CAMK1D: variants seen among roughly 807,000 people sequenced by gnomAD.
CAMK1D encodes the protein calcium/calmodulin dependent protein kinase ID, also known as calcium/calmodulin-dependent protein kinase type 1D.
Under a neutral mutation model 47.7 loss-of-function variants are expected in CAMK1D, and 9 were observed. That is an observed-to-expected ratio of 0.19 (90% CI 0.11 to 0.33). The LOEUF (loss-of-function observed/expected upper bound fraction) is 0.33, where lower values mean the gene tolerates loss of function less well. Ranked by LOEUF, CAMK1D falls within the 10% of genes least tolerant of loss-of-function variation. The probability of loss-of-function intolerance (pLI) is 1.00; values close to 1 mark genes in which losing one functional copy is unlikely to be tolerated. For synonymous variants in CAMK1D, 184 were observed against 184.9 expected, an observed-to-expected ratio of 0.99 and a Z score of 0.04; for missense variants, 291 against 488.7, an observed-to-expected ratio of 0.60 and a Z score of 3.81.
intron 1 of CAMK1D, among the ~76,000 whole-genome samples, chr10:12,551,555 G>A (rs1836577647): frequency 6.6e-6 from 1 of 152,142 alleles, no homozygotes; most frequent in Non-Finnish European, 1.5e-5. Context: ...AGGACTTCGA[G>A]ACCAGCCTGG....
chr10:12,705,717 G>A (rs769766357), intron 3 of CAMK1D, among the ~76,000 whole-genome samples: 16 of 152,144 alleles, frequency 1.1e-4, no homozygotes, highest in African/African-American at 1.9e-4. Flanking sequence ...TCCATTGTTC[G>A]GCCTTCTTGC....
chr10:12,673,857 G>A (rs1840708109), intron 3 of CAMK1D, among the ~76,000 whole-genome samples: 1 of 152,168 alleles, frequency 6.6e-6, no homozygotes, highest in Admixed American at 6.6e-5. Flanking sequence ...TTTGTAGCCT[G>A]TATTATTTTT....
At chr10:12,376,685 C>T (rs1159736697) in intron 1 of CAMK1D, among the ~76,000 whole-genome samples, 1 of 152,152 alleles carries the variant, frequency 6.6e-6, no homozygotes, top group African/African-American at 2.4e-5. Context: ...GATTCCCCCA[C>T]CTGCTCACAC....
chr10:12,715,517 T>C (rs1196566544), intron 3 of CAMK1D, among the ~76,000 whole-genome samples: 2 of 152,246 alleles, frequency 1.3e-5, no homozygotes, highest in East Asian at 1.9e-4. Flanking sequence ...AACTTTTGGC[T>C]TGAAGTGATT....
At chr10:12,401,895 C>CTCTATA (rs1554765710) in intron 1 of CAMK1D, among the ~76,000 whole-genome samples, 3 of 146,048 alleles carry the variant, frequency 2.1e-5, no homozygotes, top group Non-Finnish European at 4.5e-5. Flanking sequence ...TATTCTCAGA[C>CTCTATA]TATATATATA....
chr10:12,354,171 C>T (rs72767674), intron 1 of CAMK1D, among the ~76,000 whole-genome samples: 17,139 of 152,026 alleles, frequency 0.11, 1,073 homozygotes, highest in South Asian at 0.21. Flanking sequence ...TTCATCTCCG[C>T]GGGATATGAA....
At position 12,828,812 on chromosome 10, in the gene CAMK1D, G is replaced by A. The variant is rs201400835; in HGVS notation, c.1083G>A (p.Ser361=). The part of the protein sequence containing the change: ...STLCSFISSS[S]GVSGVGAERR... ...TCTGTAGTTTCATTTCTTCTTCGTC[G>A]GGGGTCTCAGGAGTTGGAGCCGAGC... Residue 361 remains serine, a synonymous_variant, in exon 11 of 11, where the codon TCG becomes TCA. Coordinates refer to ENST00000619168, the MANE Select transcript of CAMK1D (RefSeq NM_153498.4). 12 of 1,613,524 alleles carry A rather than the reference G, an allele frequency of 7.4e-6. No homozygotes were observed. The highest frequency in any genetic ancestry group is 2.7e-5 in the African/African-American group (2 of 74,888).
At chr10:12,753,049 TGA>T (rs1836062108) in intron 3 of CAMK1D, among the ~76,000 whole-genome samples, 1 of 152,114 alleles carries the variant, frequency 6.6e-6, no homozygotes, top group Non-Finnish European at 1.5e-5. Context: ...ATTGAGAGAT[TGA>T]GACCATCGTG....
chr10:12,583,623 G>T lies in CAMK1D; in HGVS notation c.224+30267G>T, dbSNP rs183342728. 2.4e-3 allele frequency among the ~76,000 whole-genome samples: 334 copies of T among 139,878 alleles called. 1 individual carries two copies. The highest frequency in any genetic ancestry group is 9.0e-3 in the African/African-American group (318 of 35,322). 91.8% of individuals were successfully genotyped at this position (139,878 alleles called of 152,430 possible). A position where few individuals can be genotyped will look rare whatever the true frequency, so the allele number is the denominator to read the frequency against. On this transcript the variant is annotated intron_variant, in intron 2 of 10. Coordinates refer to ENST00000619168, the MANE Select transcript of CAMK1D (RefSeq NM_153498.4). The stretch of plus-strand genomic sequence containing the variant: ...TTGTTTTATTTTTTTTTTTTTTTGA[G>T]ATGGAGTCTCTCTCTGTCACCAGGC...
intron 3 of CAMK1D, among the ~76,000 whole-genome samples, chr10:12,750,275 G>C (rs901874798): frequency 6.6e-6 from 1 of 152,126 alleles, no homozygotes; most frequent in African/African-American, 2.4e-5. Context: ...GTCCCCACCC[G>C]GGGGTCACTC....
chr10:12,482,184 C>T (rs914044320), intron 1 of CAMK1D, among the ~76,000 whole-genome samples: 16 of 152,154 alleles, frequency 1.1e-4, no homozygotes, highest in African/African-American at 2.7e-4. Flanking sequence ...GGATGTGAAC[C>T]GTAGCATAGT....
At chr10:12,637,368 C>G (rs937335696) in intron 2 of CAMK1D, among the ~76,000 whole-genome samples, 1 of 152,186 alleles carries the variant, frequency 6.6e-6, no homozygotes, top group African/African-American at 2.4e-5. Flanking sequence ...GAAAGTCATG[C>G]GTTTGTTCTC....
At chr10:12,497,219 C>G (rs571954325) in intron 1 of CAMK1D, among the ~76,000 whole-genome samples, 1 of 152,234 alleles carries the variant, frequency 6.6e-6, no homozygotes, top group South Asian at 2.1e-4. Flanking sequence ...TGGCTCATGC[C>G]TGTAATCTCA....
At chr10:12,539,717 C>T (rs547044520) in intron 1 of CAMK1D, among the ~76,000 whole-genome samples, 3 of 152,256 alleles carry the variant, frequency 2.0e-5, no homozygotes, top group East Asian at 1.9e-4. Context: ...GAAGTGCTGT[C>T]GAAGAGGTCC....
At chr10:12,565,271 G>C (rs1363272340) in intron 2 of CAMK1D, among the ~76,000 whole-genome samples, 1 of 150,044 alleles carries the variant, frequency 6.7e-6, no homozygotes, top group African/African-American at 2.4e-5. Context: ...TTTATTTTGA[G>C]ATGGAGTCTC....
intron 1 of CAMK1D, among the ~76,000 whole-genome samples, chr10:12,428,462 C>T (rs1840326402): frequency 6.6e-6 from 1 of 152,136 alleles, no homozygotes; most frequent in Non-Finnish European, 1.5e-5. Flanking sequence ...CTCAAGGTGC[C>T]CGTTTCTCTC....
chr10:12,831,478 A>G lies in CAMK1D; in HGVS notation c.*2591A>G, dbSNP rs1001905518. The G allele has an allele frequency of 6.6e-6, 1 of 152,250 alleles. No homozygotes were observed. The highest frequency in any genetic ancestry group is 2.4e-5 in the African/African-American group (1 of 41,472). The allele number at this position is 152,250 out of a possible 1,614,324, so 9.4% of individuals were successfully genotyped here. A position where few individuals can be genotyped will look rare whatever the true frequency, so the allele number is the denominator to read the frequency against. ...GCAGCATTTGAAGCTGAGTTCCATT[A>G]CTGGTGATTGAAGTATTTTCAGGAG... On this transcript the variant is annotated 3_prime_UTR_variant, in exon 11 of 11. Transcript: ENST00000619168.
At chr10:12,644,146 A>G (rs1839752198) in intron 2 of CAMK1D, among the ~76,000 whole-genome samples, 1 of 152,152 alleles carries the variant, frequency 6.6e-6, no homozygotes, top group African/African-American at 2.4e-5. Flanking sequence ...CCTCTGTGAA[A>G]CCAGTTTCTG....
At chr10:12,712,126 A>C (rs993906046) in intron 3 of CAMK1D, among the ~76,000 whole-genome samples, 1 of 152,214 alleles carries the variant, frequency 6.6e-6, no homozygotes. Context: ...CAAAGGACAT[A>C]GCAGATGTGG....
Sources: gnomAD v4.1 joint callset for allele counts (sites outside exome capture counted in the v4.1 genomes callset) on GRCh38, gnomAD v4.1.1 for gene constraint, MANE v1.5 for transcripts, NCBI Gene and HGNC (gene_info 2026-07-23, HGNC 2026-07-21) for gene names.